The following BICC1 variants were observed in gnomAD, a reference collection of about 807,000 sequenced individuals.
The protein encoded by BICC1 is BicC family RNA binding protein 1.
Under a neutral mutation model 111.0 loss-of-function variants are expected in BICC1, and 43 were observed. That is an observed-to-expected ratio of 0.39 (90% CI 0.30 to 0.50). The LOEUF is 0.50. BICC1 is among the 20% of genes least tolerant of loss of function. BICC1 has a pLI of 0.88. For synonymous variants in BICC1, 467 were observed against 434.4 expected, an observed-to-expected ratio of 1.07 and a Z score of -0.93; for missense variants, 1,091 against 1,203.2, an observed-to-expected ratio of 0.91 and a Z score of 1.38.
rs376429044 is a variant in BICC1 at position 58,620,754 on chromosome 10, TG to T, written c.191-99del. 2.7e-4 allele frequency: 293 copies of T among 1,071,726 alleles called. 4 individuals are homozygous for T. In the East Asian group the frequency reaches 3.8e-3, roughly 14 times the overall value. The allele number at this position is 1,071,726 out of a possible 1,614,324, so 66.4% of individuals were successfully genotyped here. A position where few individuals can be genotyped will look rare whatever the true frequency, so the allele number is the denominator to read the frequency against. Reference sequence around the variant, plus strand: ...GCACTGAGCTGTGGGAGAGCAAGGCTGGCATCTTGTTTGCTTTTGCATTCTC... The same window carrying T: ...GCACTGAGCTGTGGGAGAGCAAGGCTGCATCTTGTTTGCTTTTGCATTCTC... On this transcript the variant is annotated intron_variant, in intron 1 of 20. Coordinates refer to ENST00000373886, the MANE Select transcript of BICC1 (RefSeq NM_001080512.3).
intron 2 of BICC1, among the ~76,000 whole-genome samples, chr10:58,693,452 G>T (rs1165209570): frequency 1.3e-5 from 2 of 152,176 alleles, no homozygotes; most frequent in Non-Finnish European, 2.9e-5. Flanking sequence ...TTCCACAATG[G>T]TTGAACTAGT....
At chr10:58,601,718 A>G (rs1845046275) in intron 1 of BICC1, among the ~76,000 whole-genome samples, 1 of 152,114 alleles carries the variant, frequency 6.6e-6, no homozygotes, top group African/African-American at 2.4e-5. Flanking sequence ...CATCATTACT[A>G]GTGCTTATGA....
intron 18 of BICC1, among the ~76,000 whole-genome samples, chr10:58,815,748 T>A (rs903767199): frequency 6.6e-6 from 1 of 152,174 alleles, no homozygotes; most frequent in Non-Finnish European, 1.5e-5. Context: ...CTTTGAACAT[T>A]TATCACTATG....
intron 20 of BICC1, among the ~76,000 whole-genome samples, chr10:58,826,612 A>G (rs1351883393): frequency 1.2e-4 from 2 of 16,682 alleles, no homozygotes; most frequent in Non-Finnish European, 3.3e-4. Flanking sequence ...AAAAAAAATT[A>G]GCCAGGTGTG....
At chr10:58,581,093 A>G (rs1844268163) in intron 1 of BICC1, among the ~76,000 whole-genome samples, 1 of 152,156 alleles carries the variant, frequency 6.6e-6, no homozygotes, top group African/African-American at 2.4e-5. Flanking sequence ...TTGGTGTTTC[A>G]GTTTTCCATA....
intron 1 of BICC1, among the ~76,000 whole-genome samples, chr10:58,557,818 G>C (rs1843494987): frequency 6.6e-6 from 1 of 151,652 alleles, no homozygotes; most frequent in Non-Finnish European, 1.5e-5. Flanking sequence ...TTCTATGTTG[G>C]TTTCAGTTAA....
intron 2 of BICC1, chr10:58,648,736 C>G: frequency 1.2e-6 from 1 of 824,258 alleles, no homozygotes. Flanking sequence ...CTTGCTACTC[C>G]TGTCTTTTAT....
At chr10:58,633,732 C>T (rs992971221) in intron 2 of BICC1, among the ~76,000 whole-genome samples, 2 of 152,144 alleles carry the variant, frequency 1.3e-5, no homozygotes, top group Non-Finnish European at 2.9e-5. Context: ...ATGGAAATCA[C>T]ATGAAAACTT....
At chr10:58,800,084 T>C (rs1843491549) in intron 12 of BICC1, 110 bp from the exon 13 acceptor site, 2 of 746,930 alleles carry the variant, frequency 2.7e-6, no homozygotes, top group East Asian at 5.5e-5. Flanking sequence ...TTAGAAGTAT[T>C]CCAGGGTGGT....
intron 2 of BICC1, among the ~76,000 whole-genome samples, chr10:58,645,725 G>T (rs1838250708): frequency 6.6e-6 from 1 of 152,224 alleles, no homozygotes; most frequent in Admixed American, 6.5e-5. Flanking sequence ...TCGCCAGGAG[G>T]CCAGTTGACT....
intron 1 of BICC1, among the ~76,000 whole-genome samples, chr10:58,618,148 G>C (rs914692564): frequency 6.6e-6 from 1 of 152,150 alleles, no homozygotes; most frequent in South Asian, 2.1e-4. Flanking sequence ...GGACCTGTGT[G>C]TCTGGGGCCT....
chr10:58,784,949 T>A (rs1842969410), intron 3 of BICC1, 52 bp from the exon 4 acceptor site: 2 of 1,027,750 alleles, frequency 1.9e-6, no homozygotes, highest in Admixed American at 2.3e-5. Flanking sequence ...TTTAAAACAA[T>A]TTTAAACAGA....
chr10:58,636,318 A>C (rs902870999), intron 2 of BICC1, among the ~76,000 whole-genome samples: 1 of 152,220 alleles, frequency 6.6e-6, no homozygotes, highest in African/African-American at 2.4e-5. Flanking sequence ...ACTTTAAAAA[A>C]TCTGTGCTCT....
At chr10:58,605,414 T>C (rs904777125) in intron 1 of BICC1, among the ~76,000 whole-genome samples, 2 of 152,338 alleles carry the variant, frequency 1.3e-5, no homozygotes, top group African/African-American at 2.4e-5. Context: ...TTGTATTCTT[T>C]TGTGGTAGAA....
At chr10:58,692,268 A>T (rs1839932919) in intron 2 of BICC1, among the ~76,000 whole-genome samples, 2 of 152,134 alleles carry the variant, frequency 1.3e-5, no homozygotes, top group African/African-American at 4.8e-5. Context: ...GTTTTCATTG[A>T]TAAGTAGGAG....
At chr10:58,810,695 A>G (rs747027253) in intron 17 of BICC1, among the ~76,000 whole-genome samples, 1 of 152,152 alleles carries the variant, frequency 6.6e-6, no homozygotes, top group African/African-American at 2.4e-5. Context: ...GAAGAGGGGA[A>G]GGGCCTGGGG....
At position 58,799,163 on chromosome 10, in the gene BICC1, C is replaced by G. The variant is rs779127223; in HGVS notation, c.1636C>G (p.Pro546Ala). 2 of 1,613,816 alleles carry G rather than the reference C, an allele frequency of 1.2e-6. No homozygotes were observed. The highest frequency in any genetic ancestry group is 1.1e-5 in the South Asian group (1 of 91,080). Residue 546 changes from proline to alanine, a missense_variant, in exon 12 of 21, where the codon CCT becomes GCT. Physicochemically the swap from Pro to Ala is conservative, Grantham distance 27. Transcript: ENST00000373886. Reference protein sequence around the residue: ...PTYGHTAPSPPPGLTPVDVHI... With the variant: ...PTYGHTAPSPAPGLTPVDVHI... Reference sequence around the variant, plus strand: ...CTATGGGCACACAGCTCCATCTCCCCCTCCTGGCTTGACTCCTGTTGATGT... The same window carrying G: ...CTATGGGCACACAGCTCCATCTCCCGCTCCTGGCTTGACTCCTGTTGATGT...
In BICC1 at chr10:58,559,046, A is replaced by T. The variant is rs527941221; in HGVS notation, c.190+45713A>T. Among the ~76,000 whole-genome samples, 10 of 152,162 alleles carry T rather than the reference A, an allele frequency of 6.6e-5. No individual in the cohort carries two copies. The East Asian group carries it at 1.7e-3, about 27-fold the overall frequency. On this transcript the variant is annotated intron_variant, in intron 1 of 20. Coordinates refer to ENST00000373886, the MANE Select transcript of BICC1 (RefSeq NM_001080512.3). ...AAATATTCAAACCATAGCACTTAGG[A>T]TTGCCTTTTGTGGTACTTGTTGCTG...
rs1197990316 is a variant in BICC1 at position 58,668,830 on chromosome 10, C to T, written c.238-33244C>T. Among the ~76,000 whole-genome samples, 10 of 152,126 alleles carry T rather than the reference C, an allele frequency of 6.6e-5. No individual in the cohort carries two copies. The South Asian group carries it at 1.9e-3, about 28-fold the overall frequency. ...CTCAGGAGTTGGGACCAGCCTTGAG[C>T]TCACTTAGCTTTTTCTCCCTACCAT... On this transcript the variant is annotated intron_variant, in intron 2 of 20. Coordinates refer to ENST00000373886, the MANE Select transcript of BICC1 (RefSeq NM_001080512.3).
Sources: gnomAD v4.1 joint callset for allele counts (sites outside exome capture counted in the v4.1 genomes callset) on GRCh38, gnomAD v4.1.1 for gene constraint, MANE v1.5 for transcripts, NCBI Gene and HGNC (gene_info 2026-07-23, HGNC 2026-07-21) for gene names.